The following DPYSL5 variants were observed in gnomAD, a reference collection of about 807,000 sequenced individuals.
The protein encoded by DPYSL5 is dihydropyrimidinase like 5.
In DPYSL5, 9 loss-of-function variants were observed where a neutral mutation model predicts 58.4. The ratio of observed to expected loss-of-function variants is 0.15; its 90% CI spans 0.09 to 0.27. DPYSL5 has a LOEUF of 0.27. DPYSL5 is among the 10% of genes least tolerant of loss of function. DPYSL5 has a pLI of 1.00. For missense variants in DPYSL5, 499 were observed against 770.6 expected (o/e 0.65, Z 4.17); for synonymous variants, 293 against 301.9 (o/e 0.97, Z 0.31).
intron 1 of DPYSL5, among the ~76,000 whole-genome samples, chr2:26,893,533 A>G (rs1663940654): frequency 6.6e-6 from 1 of 152,196 alleles, no homozygotes; most frequent in Admixed American, 6.5e-5. Flanking sequence ...TAGAGTTGCA[A>G]AATATCCCTG....
At chr2:26,890,485 C>T (rs1663850271) in intron 1 of DPYSL5, among the ~76,000 whole-genome samples, 1 of 152,178 alleles carries the variant, frequency 6.6e-6, no homozygotes, top group African/African-American at 2.4e-5. Flanking sequence ...CCTTGGGAAC[C>T]CTGAGGCTGA....
At position 26,867,443 on chromosome 2, in the gene DPYSL5, G is replaced by GT. The variant is rs982589815; in HGVS notation, c.-5+19200dup. 5.6e-3 allele frequency among the ~76,000 whole-genome samples: 758 copies of GT among 136,344 alleles called. 3 individuals are homozygous for GT. The highest frequency in any genetic ancestry group is 0.029 in the East Asian group (135 of 4,666). 89.4% of individuals were successfully genotyped at this position (136,344 alleles called of 152,430 possible). A position where few individuals can be genotyped will look rare whatever the true frequency, so the allele number is the denominator to read the frequency against. Reference sequence around the variant, plus strand: ...ACATTCGGTTTGTTCCCAATTGTTTGTTTTTTTTTTTGTTTGTTTTTTTTT... The same window carrying GT: ...ACATTCGGTTTGTTCCCAATTGTTTGTTTTTTTTTTTTGTTTGTTTTTTTTT... On this transcript the variant is annotated intron_variant, in intron 1 of 12. Transcript: ENST00000288699.
At chr2:26,901,808 T>C (rs1664165978) in intron 2 of DPYSL5, among the ~76,000 whole-genome samples, 1 of 128,524 alleles carries the variant, frequency 7.8e-6, no homozygotes, top group South Asian at 2.8e-4. Flanking sequence ...TGCTTGTTGA[T>C]TTGGCAGCAG....
intron 2 of DPYSL5, among the ~76,000 whole-genome samples, chr2:26,909,603 C>T (rs151144141): frequency 6.6e-6 from 1 of 152,058 alleles, no homozygotes; most frequent in African/African-American, 2.4e-5. Flanking sequence ...CCCATCTCTA[C>T]AAAAAATACA....
chr2:26,943,001 G>T (rs1253615674), intron 11 of DPYSL5, among the ~76,000 whole-genome samples: 1 of 152,208 alleles, frequency 6.6e-6, no homozygotes, highest in Non-Finnish European at 1.5e-5. Flanking sequence ...CTCCTGAGTT[G>T]CTGAGGGCAC....
rs55795892 is a variant in DPYSL5, at chr2:26,936,945, TAAAA to T, written c.947+2224_947+2227del. ...TGGGCAACAAGAGCAAGACTTCATT[TAAAA>T]AAAAAAAAAAAAGCTTGTTTTGAGA... On this transcript the variant is annotated intron_variant, in intron 8 of 12. Transcript: ENST00000288699. 2.6e-5 allele frequency among the ~76,000 whole-genome samples: 2 copies of T among 77,870 alleles called. 1 individual carries two copies. Among genetic ancestry groups the T allele is most frequent in the Admixed American group, 2.6e-4 (2 of 7,622 alleles). The allele number at this position is 77,870 out of a possible 152,430, so 51.1% of individuals were successfully genotyped here. A position where few individuals can be genotyped will look rare whatever the true frequency, so the allele number is the denominator to read the frequency against.
chr2:26,938,976 C>CA (rs1665251069), intron 8 of DPYSL5: 1 of 152,488 alleles, frequency 6.6e-6, no homozygotes, highest in African/African-American at 2.4e-5. Context: ...CCTTGGCCTG[C>CA]AGAGATCTCT....
At chr2:26,896,801 G>C (rs1664033818) in intron 1 of DPYSL5, among the ~76,000 whole-genome samples, 1 of 152,134 alleles carries the variant, frequency 6.6e-6, no homozygotes, top group Non-Finnish European at 1.5e-5. Flanking sequence ...TGTATAGTTT[G>C]CAAATATTTT....
Position 26,944,931 on chromosome 2 carries a change from G to T in DPYSL5, c.1609+107G>T. The T allele has an allele frequency of 9.0e-7, 1 of 1,113,500 alleles. No individual in the cohort carries two copies. Among genetic ancestry groups the T allele is most frequent in the Non-Finnish European group, 1.3e-6 (1 of 778,740 alleles). 69.0% of individuals were successfully genotyped at this position (1,113,500 alleles called of 1,614,324 possible). A position where few individuals can be genotyped will look rare whatever the true frequency, so the allele number is the denominator to read the frequency against. ...TCTTTTGTGTCCTCTCCTCCCTCCCGTTGCCTATTTCCAGGGATGAGTGCT... is the reference window on the plus strand; with the variant it reads ...TCTTTTGTGTCCTCTCCTCCCTCCCTTTGCCTATTTCCAGGGATGAGTGCT... On this transcript the variant is annotated intron_variant, in intron 12 of 12. Transcript: ENST00000288699. The surrounding 1 kb of genome is among the most constrained non-coding windows in gnomAD (Gnocchi z 4.4).
chr2:26,922,837 C>A (rs575420230), intron 2 of DPYSL5, among the ~76,000 whole-genome samples: 1 of 152,322 alleles, frequency 6.6e-6, no homozygotes, highest in South Asian at 2.1e-4. Flanking sequence ...TGCTCTCCTT[C>A]TCCCGGTTCC....
Position 26,901,329 on chromosome 2 carries a change from C to T in DPYSL5, c.261+2569C>T, listed in dbSNP as rs78500209. Among the ~76,000 whole-genome samples the T allele has an allele frequency of 4.0e-4, 61 of 152,214 alleles. 2 individuals carry two copies. In the East Asian group the frequency reaches 9.7e-3, roughly 24 times the overall value. On this transcript the variant is annotated intron_variant, in intron 2 of 12. Transcript: ENST00000288699. ...CATTAAGCCTCTGTCGTGGTGGCCT[C>T]GTTCTACCTGGACTCCATTAGTAGA...
At chr2:26,915,844 C>T (rs1299133718) in intron 2 of DPYSL5, among the ~76,000 whole-genome samples, 2 of 152,042 alleles carry the variant, frequency 1.3e-5, no homozygotes, top group East Asian at 3.9e-4. Context: ...CATCTTTAGC[C>T]ACCCCTCTCC....
intron 2 of DPYSL5, among the ~76,000 whole-genome samples, chr2:26,899,285 A>T (rs912622962): frequency 6.6e-6 from 1 of 152,176 alleles, no homozygotes; most frequent in Admixed American, 6.5e-5. Context: ...GTTACCATGG[A>T]CAATATTTAA....
rs373034710 is a variant in DPYSL5 at position 26,931,203 on chromosome 2, G to GTATA, written c.670-413_670-410dup. 1.4e-3 allele frequency among the ~76,000 whole-genome samples: 62 copies of GTATA among 44,932 alleles called. 4 individuals are homozygous for GTATA. Among genetic ancestry groups the GTATA allele is most frequent in the East Asian group, 0.012 (14 of 1,212 alleles). 29.5% of individuals were successfully genotyped at this position (44,932 alleles called of 152,430 possible). Reference sequence around the variant, plus strand: ...TGTGTGTGTGTGTGTGTGTGTGTGTGTATATATATATATATATATATATAT... The same window carrying GTATA: ...TGTGTGTGTGTGTGTGTGTGTGTGTGTATATATATATATATATATATATATATAT... On this transcript the variant is annotated intron_variant, in intron 5 of 12. Transcript: ENST00000288699.
chr2:26,871,633 G>C (rs557744480), intron 1 of DPYSL5, among the ~76,000 whole-genome samples: 1 of 151,878 alleles, frequency 6.6e-6, no homozygotes, highest in Non-Finnish European at 1.5e-5. Context: ...GTAGAGACGG[G>C]CTTCACCATG....
intron 2 of DPYSL5, among the ~76,000 whole-genome samples, chr2:26,917,800 AATT>A (rs1358877422): frequency 1.3e-5 from 2 of 152,278 alleles, no homozygotes; most frequent in East Asian, 3.9e-4. Context: ...CTTGTTTAAA[AATT>A]ATTAAGAATT....
At chr2:26,875,330 C>T (rs1663383582) in intron 1 of DPYSL5, among the ~76,000 whole-genome samples, 1 of 152,210 alleles carries the variant, frequency 6.6e-6, no homozygotes, top group African/African-American at 2.4e-5. Context: ...GGGGTGAAAA[C>T]AGGCAGGAGA....
chr2:26,916,563 C>T (rs1412569251), intron 2 of DPYSL5, among the ~76,000 whole-genome samples: 1 of 152,202 alleles, frequency 6.6e-6, no homozygotes, highest in East Asian at 1.9e-4. Context: ...ACAGTTTGGT[C>T]CTAATCAGAC....
chr2:26,872,461 G>A (rs1663288929), intron 1 of DPYSL5, among the ~76,000 whole-genome samples: 1 of 152,206 alleles, frequency 6.6e-6, no homozygotes, highest in African/African-American at 2.4e-5. Flanking sequence ...AGAGGCCGAG[G>A]TGGGCGGATC....
Sources: allele counts gnomAD v4.1 joint callset (sites outside exome capture counted in the v4.1 genomes callset), GRCh38; gene constraint gnomAD v4.1.1; non-coding constraint Gnocchi (gnomAD v3.1); transcripts MANE v1.5; gene names NCBI Gene and HGNC (gene_info 2026-07-23, HGNC 2026-07-21).